The following RYR3 variants were observed in gnomAD, a reference collection of about 807,000 sequenced individuals.
RYR3 encodes the protein brain ryanodine receptor-calcium release channel.
RYR3 carries 207 observed loss-of-function variants against 584.3 expected under a neutral mutation model. That is an observed-to-expected ratio of 0.35 (90% CI 0.32 to 0.40). The LOEUF is 0.40. RYR3 is among the 10% of genes least tolerant of loss of function. The pLI is 1.00. For missense variants in RYR3, 5,616 were observed against 6,089.2 expected (o/e 0.92, Z 2.59); for synonymous variants, 2,416 against 2,248.5 (o/e 1.07, Z -2.11).
intron 67 of RYR3, among the ~76,000 whole-genome samples, chr15:33,797,576 T>C (rs1360253080): frequency 1.3e-5 from 2 of 152,148 alleles, no homozygotes; most frequent in Non-Finnish European, 2.9e-5. Context: ...AAAGAGCAAA[T>C]GTCTGCCTCT....
At position 33,811,010 on chromosome 15, in the gene RYR3, G is replaced by A. The variant is rs371925301; in HGVS notation, c.10230G>A (p.Leu3410=). Residue 3410 remains leucine, a synonymous_variant, in exon 72 of 104, where the codon CTG becomes CTA. Transcript: ENST00000634891. ...RDTDEEVREH[L]RNNLHLQEKS... ...CAGATGAAGAGGTCAGAGAACATCT[G>A]CGGAACAACTTGCACTTGCAGGAAA... The A allele has an allele frequency of 3.1e-6, 5 of 1,609,368 alleles. No individual in the cohort carries two copies. The highest frequency in any genetic ancestry group is 1.6e-4 in the Middle Eastern group (1 of 6,082).
intron 53 of RYR3, among the ~76,000 whole-genome samples, chr15:33,747,452 T>C (rs1488862216): frequency 1.4e-5 from 2 of 146,532 alleles, no homozygotes; most frequent in Non-Finnish European, 3.0e-5. Flanking sequence ...GAGACAGAGT[T>C]TCACTGTTGT....
intron 16 of RYR3, among the ~76,000 whole-genome samples, chr15:33,588,412 T>TA (rs2058963231): frequency 1.3e-5 from 2 of 152,208 alleles, no homozygotes; most frequent in Admixed American, 6.5e-5. Context: ...ATTATCTAAA[T>TA]ACAAAACTTT....
At chr15:33,778,848 T>G (rs2074198815) in intron 64 of RYR3, among the ~76,000 whole-genome samples, 2 of 152,318 alleles carry the variant, frequency 1.3e-5, no homozygotes, top group Non-Finnish European at 1.5e-5. Context: ...TGAGGACCTG[T>G]CAATCCAGTG....
chr15:33,732,178 G>A (rs189985167), intron 48 of RYR3, among the ~76,000 whole-genome samples: 298 of 151,534 alleles, frequency 2.0e-3, no homozygotes, highest in Middle Eastern at 0.01. Context: ...TCAGGAGATC[G>A]AGACCATCCT....
At chr15:33,460,964 A>T (rs2047983706) in intron 1 of RYR3, among the ~76,000 whole-genome samples, 1 of 33,158 alleles carries the variant, frequency 3.0e-5, no homozygotes, top group Non-Finnish European at 4.9e-5. Context: ...TTTTTTTTTA[A>T]GACGGAGTCT....
intron 59 of RYR3, among the ~76,000 whole-genome samples, chr15:33,757,086 C>T (rs139908637): frequency 3.9e-5 from 6 of 152,284 alleles, no homozygotes; most frequent in Non-Finnish European, 8.8e-5. Context: ...ACTAAAGGCA[C>T]AGAAGGGCTT....
intron 1 of RYR3, among the ~76,000 whole-genome samples, chr15:33,372,030 G>A (rs1367110467): frequency 6.6e-6 from 1 of 152,226 alleles, no homozygotes; most frequent in Non-Finnish European, 1.5e-5. Context: ...AAACTGCTTT[G>A]CACATAACAG....
chr15:33,512,171 T>C (rs2053090343), intron 3 of RYR3, among the ~76,000 whole-genome samples: 1 of 152,222 alleles, frequency 6.6e-6, no homozygotes, highest in Non-Finnish European at 1.5e-5. Context: ...CACAAGTGTG[T>C]AGCTTTGCCT....
intron 38 of RYR3, among the ~76,000 whole-genome samples, chr15:33,684,103 T>A (rs11637157): frequency 0.32 from 49,226 of 152,168 alleles, 8,783 homozygotes; most frequent in East Asian, 0.46. Flanking sequence ...GACTTAAATG[T>A]CCCTGTCTGA....
chr15:33,476,992 T>C (rs1367443944), intron 2 of RYR3, among the ~76,000 whole-genome samples: 2 of 152,206 alleles, frequency 1.3e-5, no homozygotes, highest in African/African-American at 2.4e-5. Flanking sequence ...TTCTCCCTTA[T>C]TACTAAATAG....
At chr15:33,755,682 A>AT (rs1241680113) in intron 58 of RYR3, among the ~76,000 whole-genome samples, 2 of 152,154 alleles carry the variant, frequency 1.3e-5, no homozygotes, top group East Asian at 1.9e-4. Flanking sequence ...ACCTTTTGTC[A>AT]TTTTTTCGCA....
chr15:33,605,616 G>A (rs895706521), intron 18 of RYR3, among the ~76,000 whole-genome samples: 2 of 152,116 alleles, frequency 1.3e-5, no homozygotes, highest in South Asian at 2.1e-4. Flanking sequence ...AGTTTTATAC[G>A]TTTCATTCTC....
At chr15:33,817,439 A>G (rs955758787) in intron 75 of RYR3, among the ~76,000 whole-genome samples, 25 of 152,312 alleles carry the variant, frequency 1.6e-4, no homozygotes, top group Admixed American at 1.4e-3. Flanking sequence ...AAATGACACA[A>G]GAGGGGAAAA....
At chr15:33,626,660 G>T (rs1165766008) in intron 20 of RYR3, among the ~76,000 whole-genome samples, 3 of 152,118 alleles carry the variant, frequency 2.0e-5, no homozygotes, top group African/African-American at 7.2e-5. Flanking sequence ...TGGGCCCAGG[G>T]CCCCCTTGCT....
At chr15:33,840,745 A>G (rs779328145) in intron 89 of RYR3, 80 bp from the exon 90 acceptor site, 263 of 1,338,224 alleles carry the variant, frequency 2.0e-4, no homozygotes, top group Non-Finnish European at 2.7e-4. Context: ...GTGACCAAGA[A>G]GCAAATGGCC....
At chr15:33,361,628 C>A (rs959153875) in intron 1 of RYR3, among the ~76,000 whole-genome samples, 1 of 152,270 alleles carries the variant, frequency 6.6e-6, no homozygotes, top group Admixed American at 6.5e-5. Context: ...AAATAAGCAG[C>A]AGAAAGGACT....
chr15:33,830,633 A>C (rs1298207189), intron 85 of RYR3, among the ~76,000 whole-genome samples: 2 of 152,178 alleles, frequency 1.3e-5, no homozygotes, highest in Non-Finnish European at 2.9e-5. Flanking sequence ...TTACAATATT[A>C]GCTATTATGT....
intron 69 of RYR3, among the ~76,000 whole-genome samples, chr15:33,805,626 C>A (rs368438094): frequency 0.055 from 8,374 of 151,764 alleles, 429 homozygotes; most frequent in African/African-American, 0.14. Context: ...TACAGGTGCC[C>A]GCCACCACGC....
Sources: gnomAD v4.1 joint callset for allele counts (sites outside exome capture counted in the v4.1 genomes callset) on GRCh38, gnomAD v4.1.1 for gene constraint, MANE v1.5 for transcripts, NCBI Gene and HGNC (gene_info 2026-07-23, HGNC 2026-07-21) for gene names.